Variants in GMDS observed in about 807,000 individuals in gnomAD.
GMDS encodes GDP-mannose 4,6-dehydratase, also known as GDP-mannose 4,6 dehydratase.
A neutral mutation model predicts 49.9 loss-of-function variants in GMDS; 20 were observed. That is an observed-to-expected ratio of 0.40 (90% CI 0.28 to 0.58). GMDS has a LOEUF of 0.58. Among genes scored for constraint, GMDS ranks in the 20% least tolerant of loss-of-function variants. The probability of loss-of-function intolerance (pLI) is 0.42; values close to 1 mark genes in which losing one functional copy is unlikely to be tolerated. For missense variants in GMDS, 362 were observed against 481.4 expected (o/e 0.75, Z 2.32); for synonymous variants, 177 against 178.6 (o/e 0.99, Z 0.07).
At chr6:1,945,188 A>C (rs1012386233) in intron 6 of GMDS, among the ~76,000 whole-genome samples, 1 of 152,146 alleles carries the variant, frequency 6.6e-6, no homozygotes, top group Non-Finnish European at 1.5e-5. Flanking sequence ...TGCAAGGAAG[A>C]GAAATTATGG....
intron 4 of GMDS, among the ~76,000 whole-genome samples, chr6:2,041,752 C>A (rs1769696966): frequency 6.6e-6 from 1 of 152,134 alleles, no homozygotes; most frequent in African/African-American, 2.4e-5. Context: ...CAATTTTATA[C>A]CATATGACAT....
chr6:1,635,574 G>A lies in GMDS; in HGVS notation c.988-11034C>T, dbSNP rs1387009395. On this transcript the variant is annotated intron_variant, in intron 9 of 10. Transcript: ENST00000380815. This position sits in a 1 kb window ranked among gnomAD's most constrained non-coding sequence, Gnocchi z 4.7. ...GAGCTTTGGTGGGGACTCCGAGGGCGACACTGTGCGGCGACCCTTGGCAGG... is the reference window on the plus strand; with the variant it reads ...GAGCTTTGGTGGGGACTCCGAGGGCAACACTGTGCGGCGACCCTTGGCAGG... Among the ~76,000 whole-genome samples, 1 of 152,178 alleles carries A rather than the reference G, an allele frequency of 6.6e-6. No individual in the cohort carries two copies. The highest frequency in any genetic ancestry group is 1.9e-4 in the East Asian group (1 of 5,192).
intron 1 of GMDS, among the ~76,000 whole-genome samples, chr6:2,154,999 A>G (rs1010477211): frequency 5.9e-5 from 9 of 152,060 alleles, no homozygotes; most frequent in African/African-American, 1.9e-4. Context: ...CTAATATTCA[A>G]CCTTTAAAGA....
At chr6:2,085,896 C>T (rs1772986348) in intron 4 of GMDS, among the ~76,000 whole-genome samples, 1 of 152,172 alleles carries the variant, frequency 6.6e-6, no homozygotes, top group Non-Finnish European at 1.5e-5. Flanking sequence ...AATCCAGGCT[C>T]TCCTGTCATT....
At chr6:1,657,846 A>C (rs1763933773) in intron 9 of GMDS, among the ~76,000 whole-genome samples, 1 of 131,548 alleles carries the variant, frequency 7.6e-6, no homozygotes, top group African/African-American at 2.9e-5. Flanking sequence ...GTAACAAAGA[A>C]CTCAAGCAAA....
intron 7 of GMDS, among the ~76,000 whole-genome samples, chr6:1,777,819 A>G (rs1768901862): frequency 2.0e-5 from 3 of 152,234 alleles, no homozygotes; most frequent in African/African-American, 4.8e-5. Flanking sequence ...CAGACGGCTC[A>G]CCATGAATAA....
chr6:1,994,198 T>C (rs535237109), intron 4 of GMDS, among the ~76,000 whole-genome samples: 2 of 152,358 alleles, frequency 1.3e-5, no homozygotes, highest in African/African-American at 4.8e-5. Flanking sequence ...TATTTTCTTG[T>C]TCTTTTTATG....
At chr6:2,032,022 G>C (rs1415520030) in intron 4 of GMDS, among the ~76,000 whole-genome samples, 1 of 152,068 alleles carries the variant, frequency 6.6e-6, no homozygotes, top group Non-Finnish European at 1.5e-5. Context: ...TGTATAATCA[G>C]AACTTATTAT....
At chr6:2,115,645 A>T in intron 4 of GMDS, 126 bp downstream of exon 4, 2 of 660,680 alleles carry the variant, frequency 3.0e-6, no homozygotes, top group Non-Finnish European at 5.5e-6. Context: ...ACTTAAACTA[A>T]CACTGACAAT....
intron 1 of GMDS, among the ~76,000 whole-genome samples, chr6:2,206,654 T>G (rs892235769): frequency 6.6e-6 from 1 of 152,194 alleles, no homozygotes; most frequent in East Asian, 1.9e-4. Context: ...TCTTAAACTT[T>G]AGGCTGCATC....
chr6:1,843,981 C>T (rs1402823482), intron 7 of GMDS, among the ~76,000 whole-genome samples: 1 of 152,166 alleles, frequency 6.6e-6, no homozygotes, highest in Non-Finnish European at 1.5e-5. Context: ...TCAACTCGCC[C>T]TCAGCATCTC....
At chr6:1,854,326 C>T (rs183864951) in intron 7 of GMDS, among the ~76,000 whole-genome samples, 2 of 152,254 alleles carry the variant, frequency 1.3e-5, no homozygotes, top group East Asian at 1.9e-4. Flanking sequence ...GGCAAAAATA[C>T]CACATACCAA....
At chr6:1,741,953 G>A (rs1255518703) in intron 8 of GMDS, among the ~76,000 whole-genome samples, 1 of 144,560 alleles carries the variant, frequency 6.9e-6, no homozygotes, top group East Asian at 2.1e-4. Flanking sequence ...ATGGAGTCTT[G>A]CTCTTTCACC....
intron 7 of GMDS, among the ~76,000 whole-genome samples, chr6:1,745,630 C>G (rs145677976): frequency 1.5e-3 from 231 of 152,310 alleles, no homozygotes; most frequent in African/African-American, 5.2e-3. Context: ...CTTTTCTTCT[C>G]CATCAGACTA....
intron 1 of GMDS, among the ~76,000 whole-genome samples, chr6:2,180,001 A>G (rs1424281557): frequency 1.3e-5 from 2 of 152,154 alleles, no homozygotes; most frequent in African/African-American, 4.8e-5. Flanking sequence ...ACAATTTCCT[A>G]CCAGTGCCCA....
intron 1 of GMDS, among the ~76,000 whole-genome samples, chr6:2,155,394 C>T (rs142680704): frequency 9.2e-5 from 14 of 152,200 alleles, no homozygotes; most frequent in African/African-American, 2.9e-4. Context: ...AGTGGATTCA[C>T]GGCATGACAT....
At chr6:1,920,637 C>A (rs955058622) in intron 7 of GMDS, among the ~76,000 whole-genome samples, 1 of 152,212 alleles carries the variant, frequency 6.6e-6, no homozygotes, top group African/African-American at 2.4e-5. Context: ...GAGATATTTA[C>A]ATCTATTTCC....
chr6:1,891,095 T>C (rs1759846810), intron 7 of GMDS, among the ~76,000 whole-genome samples: 1 of 152,256 alleles, frequency 6.6e-6, no homozygotes, highest in South Asian at 2.1e-4. Context: ...TTGCCATCTA[T>C]TCTCCTGGTC....
Position 2,068,137 on chromosome 6 carries a change from G to A in GMDS, c.345+47634C>T, listed in dbSNP as rs561714187. 6.6e-5 allele frequency among the ~76,000 whole-genome samples: 10 copies of A among 150,854 alleles called. 1 individual carries two copies. In the East Asian group the frequency reaches 1.7e-3, roughly 26 times the overall value. ...TACACAAATCAATAAATGTAATCCA[G>A]CATATAAACAGAACCAAAGACAAAA... On this transcript the variant is annotated intron_variant, in intron 4 of 10. Transcript: ENST00000380815.
Sources: gnomAD v4.1 joint callset for allele counts (sites outside exome capture counted in the v4.1 genomes callset) on GRCh38, gnomAD v4.1.1 for gene constraint, Gnocchi (gnomAD v3.1) non-coding constraint, MANE v1.5 for transcripts, NCBI Gene and HGNC (gene_info 2026-07-23, HGNC 2026-07-21) for gene names.